The following TCF12 variants were observed in gnomAD, a reference collection of about 807,000 sequenced individuals.
TCF12 encodes the protein transcription factor 12.
A neutral mutation model predicts 86.0 loss-of-function variants in TCF12; 45 were observed. The ratio of observed to expected loss-of-function variants is 0.52; its 90% CI spans 0.41 to 0.67. The LOEUF (loss-of-function observed/expected upper bound fraction) is 0.67. Ranked by LOEUF, TCF12 falls within the 30% of genes least tolerant of loss-of-function variation. The pLI is 0.00. For synonymous variants in TCF12, 330 were observed against 299.6 expected, an observed-to-expected ratio of 1.10 and a Z score of -1.05; for missense variants, 881 against 859.9, an observed-to-expected ratio of 1.02 and a Z score of -0.31.
At chr15:57,244,600 C>T (rs572282412) in intron 13 of TCF12, among the ~76,000 whole-genome samples, 64 of 152,286 alleles carry the variant, frequency 4.2e-4, no homozygotes, top group African/African-American at 1.4e-3. Flanking sequence ...GCTGGGATTA[C>T]AGGCGTCTGC....
chr15:57,210,808 CTG>C (rs1390181118), intron 8 of TCF12, among the ~76,000 whole-genome samples: 2 of 152,168 alleles, frequency 1.3e-5, no homozygotes, highest in East Asian at 3.8e-4. Flanking sequence ...TTACTTTATC[CTG>C]TAAACTTTCC....
At chr15:57,057,186 T>G (rs1025535322) in intron 3 of TCF12, among the ~76,000 whole-genome samples, 1 of 152,226 alleles carries the variant, frequency 6.6e-6, no homozygotes, top group Non-Finnish European at 1.5e-5. Context: ...TGAATGGTGT[T>G]CCAGGACTCA....
intron 3 of TCF12, among the ~76,000 whole-genome samples, chr15:56,968,652 C>T (rs1240166173): frequency 6.6e-6 from 1 of 152,194 alleles, no homozygotes; most frequent in East Asian, 1.9e-4. Flanking sequence ...GACTAAGAGA[C>T]AGTGACATCT....
intron 3 of TCF12, among the ~76,000 whole-genome samples, chr15:57,008,056 G>GC (rs1205045196): frequency 1.3e-5 from 2 of 151,218 alleles, no homozygotes; most frequent in African/African-American, 4.9e-5. Context: ...GAACTCCTGG[G>GC]CTCAAGCCAT....
intron 3 of TCF12, among the ~76,000 whole-genome samples, chr15:56,985,533 C>T (rs1420140145): frequency 6.6e-6 from 1 of 152,128 alleles, no homozygotes; most frequent in East Asian, 1.9e-4. Context: ...CATTATCAAA[C>T]TCTACTTTTT....
intron 3 of TCF12, among the ~76,000 whole-genome samples, chr15:57,007,108 A>T (rs2064427085): frequency 2.0e-5 from 3 of 152,336 alleles, no homozygotes; most frequent in South Asian, 4.1e-4. Flanking sequence ...TATACATTGT[A>T]TTCTACAAAG....
intron 3 of TCF12, among the ~76,000 whole-genome samples, chr15:57,059,116 C>G (rs1049245008): frequency 7.9e-5 from 12 of 152,132 alleles, no homozygotes; most frequent in Admixed American, 7.9e-4. Flanking sequence ...TTATGTTTCC[C>G]TTATTTATGA....
chr15:57,093,200 C>CCCTAGCCA (rs2049103443), intron 5 of TCF12, among the ~76,000 whole-genome samples: 4 of 152,118 alleles, frequency 2.6e-5, no homozygotes, highest in African/African-American at 9.7e-5. Flanking sequence ...GTTAGGTTTA[C>CCCTAGCCA]AATAAATTAT....
At chr15:57,228,370 A>G (rs1284618262) in intron 8 of TCF12, among the ~76,000 whole-genome samples, 2 of 152,072 alleles carry the variant, frequency 1.3e-5, no homozygotes, top group African/African-American at 2.4e-5. Context: ...AAACATTCTT[A>G]TGATGAAAAT....
At chr15:57,200,498 A>G (rs1327869064) in intron 8 of TCF12, among the ~76,000 whole-genome samples, 1 of 152,214 alleles carries the variant, frequency 6.6e-6, no homozygotes, top group Non-Finnish European at 1.5e-5. Context: ...TTTGAATATT[A>G]TACTTTCCAA....
chr15:57,249,386 A>G (rs2060003976), intron 13 of TCF12, among the ~76,000 whole-genome samples: 1 of 148,736 alleles, frequency 6.7e-6, no homozygotes, highest in African/African-American at 2.5e-5. Context: ...TGGTCCTTAA[A>G]ATAATTTGTT....
rs1173605979 is a variant in TCF12, at chr15:57,086,872, T to C, written c.223-4917T>C. Among the ~76,000 whole-genome samples the C allele has an allele frequency of 1.3e-5, 2 of 152,154 alleles. 1 individual carries two copies. Among genetic ancestry groups the C allele is most frequent in the Non-Finnish European group, 2.9e-5 (2 of 68,030 alleles). ...TGAACTGGGAAAGATCCTCTGGTGA[T>C]GATACTCTATAAATTGGATGAGATA... On this transcript the variant is annotated intron_variant, in intron 4 of 20. Transcript: ENST00000333725.
chr15:56,983,122 G>C (rs1417199253), intron 3 of TCF12, among the ~76,000 whole-genome samples: 1 of 152,190 alleles, frequency 6.6e-6, no homozygotes, highest in Non-Finnish European at 1.5e-5. Flanking sequence ...TAATGATTCA[G>C]AATTGCTGGC....
chr15:57,257,788 C>T (rs1380643523), intron 16 of TCF12, among the ~76,000 whole-genome samples: 1 of 151,942 alleles, frequency 6.6e-6, no homozygotes, highest in Admixed American at 6.6e-5. Flanking sequence ...TACACGGACA[C>T]AGTAACCATT....
chr15:56,919,731 T>C (rs2059689002), intron 1 of TCF12, 161 bp from the exon 2 acceptor site: 8 of 584,346 alleles, frequency 1.4e-5, no homozygotes, highest in Admixed American at 3.2e-5. Context: ...CACTGAGCCC[T>C]CCCGCCCCTT....
chr15:57,054,585 T>C (rs1013505797), intron 3 of TCF12, among the ~76,000 whole-genome samples: 3 of 152,162 alleles, frequency 2.0e-5, no homozygotes, highest in African/African-American at 7.2e-5. Context: ...GAGTATCTGT[T>C]TGATTGCTTC....
intron 3 of TCF12, among the ~76,000 whole-genome samples, chr15:56,975,238 A>G (rs566381481): frequency 1.3e-5 from 2 of 152,286 alleles, no homozygotes; most frequent in South Asian, 4.1e-4. Flanking sequence ...TGATCTAATA[A>G]TAAGGGTATG....
intron 18 of TCF12, among the ~76,000 whole-genome samples, chr15:57,270,900 A>C (rs754280438): frequency 1.3e-5 from 2 of 152,172 alleles, no homozygotes; most frequent in South Asian, 4.1e-4. Context: ...CGGAGGCTGC[A>C]GAACAGCAAA....
intron 3 of TCF12, among the ~76,000 whole-genome samples, chr15:56,925,686 C>A (rs964696889): frequency 2.0e-5 from 3 of 152,076 alleles, no homozygotes; most frequent in African/African-American, 7.2e-5. Context: ...GAAAGGCTCT[C>A]CTGAAAAAGA....
Sources: gnomAD v4.1 joint callset for allele counts (sites outside exome capture counted in the v4.1 genomes callset) on GRCh38, gnomAD v4.1.1 for gene constraint, MANE v1.5 for transcripts, NCBI Gene and HGNC (gene_info 2026-07-23, HGNC 2026-07-21) for gene names.